TRPM3: variants seen among roughly 807,000 people sequenced by gnomAD.
TRPM3 encodes the protein long transient receptor potential channel 3.
A neutral mutation model predicts 181.2 loss-of-function variants in TRPM3; 77 were observed. That is an observed-to-expected ratio of 0.42 (90% CI 0.35 to 0.51). The LOEUF is 0.51. Among genes scored for constraint, TRPM3 ranks in the 20% least tolerant of loss-of-function variants. The probability of loss-of-function intolerance (pLI) is 0.01; values close to 1 mark genes in which losing one functional copy is unlikely to be tolerated. For missense variants in TRPM3, 1,759 were observed against 2,196.7 expected (o/e 0.80, Z 3.98); for synonymous variants, 745 against 796.4 (o/e 0.94, Z 1.09).
At chr9:70,832,285 A>T (rs1324586567) in intron 5 of TRPM3, among the ~76,000 whole-genome samples, 1 of 151,714 alleles carries the variant, frequency 6.6e-6, no homozygotes, top group Non-Finnish European at 1.5e-5. Context: ...TAAAACTTAA[A>T]GTATAATAAT....
chr9:71,131,652 G>A (rs1478846329), intron 1 of TRPM3, among the ~76,000 whole-genome samples: 1 of 152,126 alleles, frequency 6.6e-6, no homozygotes, highest in Non-Finnish European at 1.5e-5. Flanking sequence ...AACACATACT[G>A]ACTCTACAGT....
chr9:71,081,478 G>C (rs1297657748), intron 1 of TRPM3, among the ~76,000 whole-genome samples: 1 of 152,148 alleles, frequency 6.6e-6, no homozygotes, highest in South Asian at 2.1e-4. Context: ...ACGTAAAAGT[G>C]CTTATTCAAT....
At chr9:71,027,646 T>A (rs2056737943) in intron 1 of TRPM3, among the ~76,000 whole-genome samples, 1 of 152,124 alleles carries the variant, frequency 6.6e-6, no homozygotes, top group South Asian at 2.1e-4. Context: ...TGAAAGACAC[T>A]CTACAAGCAT....
intron 1 of TRPM3, among the ~76,000 whole-genome samples, chr9:71,003,123 ATCTTACTTG>A (rs2097629501): frequency 6.6e-6 from 1 of 151,204 alleles, no homozygotes; most frequent in African/African-American, 2.4e-5. Context: ...GTTTTGTACA[ATCTTACTTG>A]TCTGATTGTT....
At chr9:71,009,260 AAAGG>A (rs1361852062) in intron 1 of TRPM3, among the ~76,000 whole-genome samples, 7 of 152,244 alleles carry the variant, frequency 4.6e-5, no homozygotes, top group African/African-American at 1.4e-4. Context: ...CTCAAAACAG[AAAGG>A]AAGAAGGGCA....
At position 71,406,964 on chromosome 9, in the gene TRPM3, T is replaced by C. The variant is rs562085419; in HGVS notation, c.183+39689A>G. 3.3e-5 allele frequency among the ~76,000 whole-genome samples: 5 copies of C among 152,296 alleles called. No homozygotes were observed. The South Asian group carries it at 6.2e-4, about 19-fold the overall frequency. ...TGATCCACACTGAAGGAAAAACTTA[T>C]GTTGAGGACATTCATTAAACATGGC... On this transcript the variant is annotated intron_variant, in intron 1 of 24. Coordinates refer to the TRPM3 transcript ENST00000357533.
chr9:71,045,669 T>C (rs893013827), intron 1 of TRPM3, among the ~76,000 whole-genome samples: 4 of 152,156 alleles, frequency 2.6e-5, no homozygotes, highest in African/African-American at 9.7e-5. Flanking sequence ...AAAGAAAGAA[T>C]AGAGTTTTCC....
At chr9:71,277,326 G>A (rs377474655) in intron 1 of TRPM3, among the ~76,000 whole-genome samples, 15 of 152,110 alleles carry the variant, frequency 9.9e-5, no homozygotes, top group Admixed American at 1.3e-4. Context: ...CCTGAGTAAC[G>A]TGTACGTAGT....
At position 71,335,781 on chromosome 9, in the gene TRPM3, A is replaced by G. The variant is rs1274439764; in HGVS notation, c.183+110872T>C. ...TCAGGTATGGTCTAACATCAAGTGGAATTTATTAGAATCTAACAAACAGTT... is the reference window on the plus strand; with the variant it reads ...TCAGGTATGGTCTAACATCAAGTGGGATTTATTAGAATCTAACAAACAGTT... On this transcript the variant is annotated intron_variant, in intron 1 of 24. Transcript: ENST00000357533. 8.6e-5 allele frequency among the ~76,000 whole-genome samples: 6 copies of G among 69,630 alleles called. No homozygotes were observed. In the East Asian group the frequency reaches 2.5e-3, roughly 29 times the overall value. The allele number at this position is 69,630 out of a possible 152,430, so 45.7% of individuals were successfully genotyped here.
intron 1 of TRPM3, among the ~76,000 whole-genome samples, chr9:71,007,492 T>TA (rs909591378): frequency 1.7e-4 from 25 of 151,308 alleles, no homozygotes; most frequent in East Asian, 7.7e-4. Flanking sequence ...TTAACAAACT[T>TA]AAAAAAAAAT....
intron 1 of TRPM3, among the ~76,000 whole-genome samples, chr9:71,337,861 T>C (rs1383013781): frequency 1.3e-5 from 2 of 151,996 alleles, no homozygotes; most frequent in Admixed American, 6.6e-5. Flanking sequence ...GTGTTCTCAC[T>C]CATAAGTGGG....
In TRPM3 at chr9:70,932,776, G is replaced by C. The variant is rs2993025; in HGVS notation, c.178-68265C>G. On this transcript the variant is annotated intron_variant, in intron 1 of 25. Coordinates refer to ENST00000677713, the MANE Select transcript of TRPM3 (RefSeq NM_001366145.2). ...AAGGTCTCAGATCTCTATTCTAATG[G>C]AACCACAGGATGCCTCTGAAGGGCT... 5.4e-3 allele frequency among the ~76,000 whole-genome samples: 829 copies of C among 152,280 alleles called. 8 individuals are homozygous for C. The highest frequency in any genetic ancestry group is 0.019 in the African/African-American group (807 of 41,568).
intron 10 of TRPM3, 67 bp from the exon 11 acceptor site, chr9:70,639,261 A>G: frequency 1.9e-6 from 3 of 1,564,318 alleles, no homozygotes; most frequent in Non-Finnish European, 2.6e-6. Flanking sequence ...TTTAGTGTTC[A>G]CTTGAACAGC....
At chr9:71,385,897 G>A (rs899668149) in intron 1 of TRPM3, among the ~76,000 whole-genome samples, 1 of 151,696 alleles carries the variant, frequency 6.6e-6, no homozygotes, top group African/African-American at 2.4e-5. Flanking sequence ...GGTAGAGGCA[G>A]GGTTTCACCA....
At chr9:71,351,283 G>A (rs1290718302) in intron 1 of TRPM3, among the ~76,000 whole-genome samples, 2 of 152,158 alleles carry the variant, frequency 1.3e-5, no homozygotes, top group African/African-American at 4.8e-5. Flanking sequence ...ATCAGCCTTA[G>A]TTTAGACTGT....
intron 1 of TRPM3, among the ~76,000 whole-genome samples, chr9:71,393,438 G>A (rs1170824039): frequency 3.3e-5 from 5 of 152,186 alleles, no homozygotes; most frequent in Non-Finnish European, 7.4e-5. Context: ...GGGAAATGCT[G>A]TAAGTGCTAA....
At chr9:71,341,972 G>A (rs1471249228) in intron 1 of TRPM3, among the ~76,000 whole-genome samples, 2 of 151,770 alleles carry the variant, frequency 1.3e-5, no homozygotes, top group East Asian at 3.9e-4. Flanking sequence ...AATTGAGGCA[G>A]AGAGGATGAG....
intron 3 of TRPM3, among the ~76,000 whole-genome samples, chr9:70,854,053 C>T (rs1188106289): frequency 6.6e-6 from 1 of 152,164 alleles, no homozygotes; most frequent in Non-Finnish European, 1.5e-5. Flanking sequence ...CTCAGCAGCT[C>T]CACGCTCATA....
rs1181976978 is a variant in TRPM3, at chr9:70,534,699, GTTAT to G, written c.*1250_*1253del. The G allele has an allele frequency of 6.6e-6, 1 of 152,090 alleles. No individual in the cohort carries two copies. Among genetic ancestry groups the G allele is most frequent in the Non-Finnish European group, 1.5e-5 (1 of 68,046 alleles). The allele number at this position is 152,090 out of a possible 1,614,324, so 9.4% of individuals were successfully genotyped here. ...TACCAAACTCCCAGTCAAATCTAAG[GTTAT>G]TTATAGTTTTGAAACTTCCTTAAAA... is the stretch of plus-strand genomic sequence containing the variant. On this transcript the variant is annotated 3_prime_UTR_variant, in exon 26 of 26. Transcript: ENST00000677713.
Sources: gnomAD v4.1 joint callset for allele counts (sites outside exome capture counted in the v4.1 genomes callset) on GRCh38, gnomAD v4.1.1 for gene constraint, MANE v1.5 for transcripts, NCBI Gene and HGNC (gene_info 2026-07-23, HGNC 2026-07-21) for gene names.